The following RSU1 variants were observed in gnomAD, a reference collection of about 807,000 sequenced individuals.
The protein encoded by RSU1 is rsu-1.
In RSU1, 26 loss-of-function variants were observed where a neutral mutation model predicts 31.1. The observed-to-expected ratio is 0.84, with a 90% CI of 0.61 to 1.16. The LOEUF is 1.16. Among genes scored for constraint, RSU1 ranks in the 50% most tolerant of loss-of-function variants. The pLI is 0.00. For missense variants in RSU1, 320 were observed against 339.1 expected (o/e 0.94, Z 0.44); for synonymous variants, 164 against 136.3 (o/e 1.20, Z -1.41).
At chr10:16,778,837 G>C (rs755319444) in intron 3 of RSU1, among the ~76,000 whole-genome samples, 2 of 152,214 alleles carry the variant, frequency 1.3e-5, no homozygotes, top group Non-Finnish European at 2.9e-5. Context: ...GGCAGTTTCT[G>C]AAAGGCAGAG....
In RSU1 at chr10:16,812,036, G is replaced by T. The variant is rs1838419895; in HGVS notation, c.109+4937C>A. Among the ~76,000 whole-genome samples, 4 of 152,192 alleles carry T rather than the reference G, an allele frequency of 2.6e-5. No homozygotes were observed. The South Asian group carries it at 6.2e-4, about 24-fold the overall frequency. ...TTCAACAAGCACTAACTGACAAGGG[G>T]GCAAGGGCTAGCTGGAGCGAGAAAA... On this transcript the variant is annotated intron_variant, in intron 2 of 8. Coordinates refer to ENST00000345264, the MANE Select transcript of RSU1 (RefSeq NM_012425.4).
intron 7 of RSU1, among the ~76,000 whole-genome samples, chr10:16,700,051 T>A (rs894001767): frequency 2.0e-5 from 3 of 152,200 alleles, no homozygotes; most frequent in Non-Finnish European, 4.4e-5. Flanking sequence ...TGCAGCCCCA[T>A]TAATAAGCAT....
intron 7 of RSU1, among the ~76,000 whole-genome samples, chr10:16,730,232 C>T (rs73606830): frequency 0.011 from 1,698 of 152,234 alleles, 29 homozygotes; most frequent in African/African-American, 0.039. Flanking sequence ...AAGAGGGATC[C>T]GCCCCAATGT....
chr10:16,628,732 T>C (rs112074215), intron 8 of RSU1, among the ~76,000 whole-genome samples: 1,623 of 152,352 alleles, frequency 0.011, 31 homozygotes, highest in African/African-American at 0.037. Flanking sequence ...CAAAGTGCCC[T>C]GTAGTTTAGC....
At chr10:16,764,218 G>A (rs1413939206) in intron 4 of RSU1, among the ~76,000 whole-genome samples, 172 bp downstream of exon 4, 1 of 151,992 alleles carries the variant, frequency 6.6e-6, no homozygotes, top group Non-Finnish European at 1.5e-5. Context: ...ACTAATGTAG[G>A]CCACTGAAAG....
chr10:16,758,596 T>C (rs562289591), intron 4 of RSU1, among the ~76,000 whole-genome samples: 141 of 152,246 alleles, frequency 9.3e-4, no homozygotes, highest in African/African-American at 3.3e-3. Flanking sequence ...TCCTCAACTA[T>C]AAAATGAGGC....
intron 8 of RSU1, among the ~76,000 whole-genome samples, chr10:16,680,985 C>A (rs1835319732): frequency 6.6e-6 from 1 of 152,138 alleles, no homozygotes; most frequent in Admixed American, 6.5e-5. Context: ...ATGCTATAGG[C>A]TTAACATTGG....
At chr10:16,660,286 A>G (rs1184261621) in intron 8 of RSU1, among the ~76,000 whole-genome samples, 3 of 152,130 alleles carry the variant, frequency 2.0e-5, no homozygotes, top group Non-Finnish European at 4.4e-5. Context: ...CATCATCCCC[A>G]TGGGACTTGG....
chr10:16,653,845 A>G (rs974079343), intron 8 of RSU1, among the ~76,000 whole-genome samples: 1 of 152,132 alleles, frequency 6.6e-6, no homozygotes, highest in Non-Finnish European at 1.5e-5. Flanking sequence ...TGAATTATCA[A>G]AGGAATTTCA....
intron 8 of RSU1, among the ~76,000 whole-genome samples, chr10:16,688,780 C>G (rs1329440967): frequency 1.3e-5 from 2 of 151,480 alleles, no homozygotes; most frequent in East Asian, 3.9e-4. Context: ...GCAGGAAAAT[C>G]TCTTGAGGCC....
intron 8 of RSU1, among the ~76,000 whole-genome samples, chr10:16,683,931 TGA>T (rs1196101150): frequency 6.6e-6 from 1 of 152,182 alleles, no homozygotes; most frequent in East Asian, 1.9e-4. Flanking sequence ...GACAATTGGT[TGA>T]GTTTGTCTAA....
chr10:16,595,198 G>A (rs939199129), intron 8 of RSU1, among the ~76,000 whole-genome samples: 1 of 152,240 alleles, frequency 6.6e-6, no homozygotes, highest in African/African-American at 2.4e-5. Context: ...ACAGGGATGA[G>A]CCACTGTGCC....
At chr10:16,677,656 G>A (rs1835258407) in intron 8 of RSU1, among the ~76,000 whole-genome samples, 1 of 152,036 alleles carries the variant, frequency 6.6e-6, no homozygotes, top group Admixed American at 6.6e-5. Context: ...TTACTTTATG[G>A]CCAGTATTTT....
At chr10:16,721,900 A>G (rs1588492919) in intron 7 of RSU1, among the ~76,000 whole-genome samples, 2 of 152,326 alleles carry the variant, frequency 1.3e-5, no homozygotes, top group South Asian at 2.1e-4. Flanking sequence ...TAAAACATCA[A>G]TGTAAAGCTG....
chr10:16,696,117 T>C (rs1238467660), intron 7 of RSU1, among the ~76,000 whole-genome samples: 1 of 152,122 alleles, frequency 6.6e-6, no homozygotes, highest in Non-Finnish European at 1.5e-5. Context: ...CAGGGATATA[T>C]GTGAAGGTCT....
At chr10:16,727,196 C>A in intron 7 of RSU1, 1 of 455,010 alleles carries the variant, frequency 2.2e-6, no homozygotes, top group South Asian at 1.6e-5. Flanking sequence ...AGTGGACTCA[C>A]CTGGGCGGAA....
At chr10:16,735,830 G>A (rs904816259) in intron 7 of RSU1, among the ~76,000 whole-genome samples, 2 of 152,114 alleles carry the variant, frequency 1.3e-5, no homozygotes, top group African/African-American at 4.8e-5. Context: ...CTCCCACTGG[G>A]TCCCTCCCAT....
intron 8 of RSU1, among the ~76,000 whole-genome samples, chr10:16,594,789 ATTTTT>A (rs939278496): frequency 7.3e-6 from 1 of 136,958 alleles, no homozygotes; most frequent in South Asian, 2.2e-4. Flanking sequence ...ATATATATAT[ATTTTT>A]TTTTTTTTGA....
chr10:16,603,846 C>G (rs1833752565), intron 8 of RSU1, among the ~76,000 whole-genome samples: 1 of 151,614 alleles, frequency 6.6e-6, no homozygotes, highest in African/African-American at 2.4e-5. Flanking sequence ...GCTTGTAATA[C>G]AACGATACAC....
Sources: gnomAD v4.1 joint callset for allele counts (sites outside exome capture counted in the v4.1 genomes callset) on GRCh38, gnomAD v4.1.1 for gene constraint, MANE v1.5 for transcripts, NCBI Gene and HGNC (gene_info 2026-07-23, HGNC 2026-07-21) for gene names.